Variants in TVP23C observed in about 807,000 individuals in gnomAD.
TVP23C encodes Golgi apparatus membrane protein TVP23 homolog C.
TVP23C carries 19 observed loss-of-function variants against 28.7 expected under a neutral mutation model. The ratio of observed to expected loss-of-function variants is 0.66; its 90% CI spans 0.46 to 0.97. TVP23C has a LOEUF of 0.97. TVP23C is among the 50% of genes least tolerant of loss of function. The pLI is 0.00. For synonymous variants in TVP23C, 68 were observed against 81.7 expected, an observed-to-expected ratio of 0.83 and a Z score of 0.90; for missense variants, 186 against 241.3, an observed-to-expected ratio of 0.77 and a Z score of 1.52.
At position 15,538,079 on chromosome 17, in the gene TVP23C, T is replaced by A; in HGVS notation, c.*2333A>T. Reference sequence around the variant, plus strand: ...AAGCTCTAAAAGGTTGAGTCAAGAATCTCTTCAGTTGTTCCCCAATGTAAC... The same window carrying A: ...AAGCTCTAAAAGGTTGAGTCAAGAAACTCTTCAGTTGTTCCCCAATGTAAC... On this transcript the variant is annotated 3_prime_UTR_variant, in exon 6 of 6. Coordinates refer to ENST00000518321, the MANE Select transcript of TVP23C (RefSeq NM_001135036.2). 6.2e-7 allele frequency: 1 copy of A among 1,609,836 alleles called. No homozygotes were observed. The highest frequency in any genetic ancestry group is 8.5e-7 in the Non-Finnish European group (1 of 1,178,610).
At chr17:15,521,100 G>A (rs1487098804) in intron 5 of TVP23C, among the ~76,000 whole-genome samples, 1 of 151,924 alleles carries the variant, frequency 6.6e-6, no homozygotes, top group Non-Finnish European at 1.5e-5. Flanking sequence ...TGGATCAGAA[G>A]ATTCAATATT....
chr17:15,543,358 G>A (rs978727864), intron 5 of TVP23C, among the ~76,000 whole-genome samples: 1 of 151,056 alleles, frequency 6.6e-6, no homozygotes, highest in Non-Finnish European at 1.5e-5. Flanking sequence ...AAATGGATAA[G>A]GAAAAAGGGA....
Position 15,538,763 on chromosome 17 carries a change from A to G in TVP23C, c.*1649T>C, listed in dbSNP as rs1368853578. ...TAAGGTTTAATTTCACCTGTATTCCATGTTCCTCCCCACCTTCAGAAACAC... is the reference window on the plus strand; with the variant it reads ...TAAGGTTTAATTTCACCTGTATTCCGTGTTCCTCCCCACCTTCAGAAACAC... On this transcript the variant is annotated 3_prime_UTR_variant, in exon 6 of 6. Coordinates refer to ENST00000518321, the MANE Select transcript of TVP23C (RefSeq NM_001135036.2). 9.1e-6 allele frequency: 9 copies of G among 985,362 alleles called. No homozygotes were observed. The African/African-American group carries it at 1.6e-4, about 17-fold the overall frequency. 61.0% of individuals were successfully genotyped at this position (985,362 alleles called of 1,614,324 possible).
chr17:15,525,501 C>T (rs1379109995), intron 5 of TVP23C, among the ~76,000 whole-genome samples: 4 of 152,204 alleles, frequency 2.6e-5, no homozygotes, highest in African/African-American at 9.7e-5. Context: ...AGTTAAAGGC[C>T]TTATGAACAA....
intron 5 of TVP23C, among the ~76,000 whole-genome samples, chr17:15,523,533 T>C (rs1317342377): frequency 6.6e-6 from 1 of 150,986 alleles, no homozygotes; most frequent in Non-Finnish European, 1.5e-5. Context: ...AGTCTTGAAC[T>C]CTTGACCTCA....
intron 3 of TVP23C, among the ~76,000 whole-genome samples, chr17:15,547,668 G>C (rs1399786491): frequency 1.3e-5 from 2 of 152,192 alleles, no homozygotes; most frequent in East Asian, 3.9e-4. Context: ...CTATGTGCTG[G>C]TAATACAACA....
intron 1 of TVP23C, among the ~76,000 whole-genome samples, chr17:15,560,120 T>C (rs236804): frequency 0.32 from 48,242 of 148,982 alleles, 10,772 homozygotes; most frequent in East Asian, 0.52. Flanking sequence ...AGTGCAATGG[T>C]GTGATCTTGG....
At chr17:15,510,646 A>G (rs560874919) in intron 5 of TVP23C, among the ~76,000 whole-genome samples, 2 of 152,226 alleles carry the variant, frequency 1.3e-5, no homozygotes, top group East Asian at 1.9e-4. Context: ...AAATGAGACA[A>G]TAGGATAATA....
intron 3 of TVP23C, among the ~76,000 whole-genome samples, chr17:15,550,915 G>A (rs530777938): frequency 1.3e-5 from 2 of 152,148 alleles, no homozygotes; most frequent in South Asian, 4.1e-4. Context: ...GTCTTTAAAT[G>A]GGTAGTTTAA....
At chr17:15,533,392 T>C (rs1983025474), downstream of TVP23C, among the ~76,000 whole-genome samples, 1 of 152,206 alleles carries the variant, frequency 6.6e-6, no homozygotes, top group African/African-American at 2.4e-5. Flanking sequence ...GGAACTCAAA[T>C]GCCATGAGCA....
At chr17:15,561,634 A>AATG (rs1567646851) in intron 1 of TVP23C, among the ~76,000 whole-genome samples, 237 of 82,664 alleles carry the variant, frequency 2.9e-3, no homozygotes, top group African/African-American at 0.017. Flanking sequence ...ATGAATGAAT[A>AATG]AATAAATAAA....
In TVP23C at chr17:15,555,317, C is replaced by A. The variant is rs745321738; in HGVS notation, c.60G>T (p.Glu20Asp). The change falls in exon 2 of 6, where the codon GAG becomes GAT. Residue 20 changes from glutamate to aspartate, a missense_variant. Coordinates refer to ENST00000518321, the MANE Select transcript of TVP23C (RefSeq NM_001135036.2). ...CTTTTCTTGGTCTATTAGTCGTCTC[C>A]TCTTCCGCATCAAACAGTGAAACAT... is the stretch of plus-strand genomic sequence containing the variant. ...TEDVSLFDAE[E>D]ETTNRPRKAK... is the part of the protein sequence containing the mutation. The A allele has an allele frequency of 6.2e-7, 1 of 1,613,838 alleles. No individual in the cohort carries two copies. Among genetic ancestry groups the A allele is most frequent in the African/African-American group, 1.3e-5 (1 of 74,924 alleles).
chr17:15,548,199 T>C (rs1983728491), intron 3 of TVP23C, among the ~76,000 whole-genome samples: 1 of 152,178 alleles, frequency 6.6e-6, no homozygotes, highest in African/African-American at 2.4e-5. Flanking sequence ...AGAGTTTCGC[T>C]CTTGTTGCCC....
chr17:15,508,540 C>A (rs1297172538), intron 5 of TVP23C, among the ~76,000 whole-genome samples: 2 of 152,128 alleles, frequency 1.3e-5, no homozygotes, highest in Non-Finnish European at 2.9e-5. Flanking sequence ...CTGGGGAGTC[C>A]CAACTTCCAG....
chr17:15,512,179 G>T (rs1982030463), intron 5 of TVP23C, among the ~76,000 whole-genome samples: 1 of 152,204 alleles, frequency 6.6e-6, no homozygotes, highest in Non-Finnish European at 1.5e-5. Context: ...ACAAACCACA[G>T]AGGCCTCCTC....
At chr17:15,541,087 G>A (rs898990316) in intron 5 of TVP23C, among the ~76,000 whole-genome samples, 5 of 152,168 alleles carry the variant, frequency 3.3e-5, no homozygotes, top group South Asian at 2.1e-4. Context: ...TGCCTTCCCC[G>A]AGGAGAGAGA....
exon 6 of TVP23C, chr17:15,502,807 CTCCT>C: frequency 6.9e-7 from 1 of 1,450,296 alleles, no homozygotes; most frequent in Non-Finnish European, 9.1e-7. Context: ...TCTCCTCTCT[CTCCT>C]CTCTCTCTCT....
At chr17:15,555,995 C>T (rs1395394124) in intron 1 of TVP23C, among the ~76,000 whole-genome samples, 1 of 152,240 alleles carries the variant, frequency 6.6e-6, no homozygotes, top group Non-Finnish European at 1.5e-5. Flanking sequence ...TGGCTCACTG[C>T]AACCTCCGCC....
chr17:15,506,786 TG>T (rs1234200786), intron 5 of TVP23C: 1 of 472,204 alleles, frequency 2.1e-6, no homozygotes, highest in African/African-American at 2.0e-5. Flanking sequence ...CCTTAAGAGC[TG>T]TAACACTCAC....
Sources: allele counts gnomAD v4.1 joint callset (sites outside exome capture counted in the v4.1 genomes callset), GRCh38; gene constraint gnomAD v4.1.1; transcripts MANE v1.5; gene names NCBI Gene and HGNC (gene_info 2026-07-23, HGNC 2026-07-21).